PTPN4: variants seen among roughly 807,000 people sequenced by gnomAD.
The protein encoded by PTPN4 is protein tyrosine phosphatase non-receptor type 4, also known as tyrosine-protein phosphatase non-receptor type 4.
PTPN4 carries 49 observed loss-of-function variants against 135.5 expected under a neutral mutation model. The observed-to-expected ratio is 0.36, with a 90% confidence interval of 0.29 to 0.46. PTPN4 has a LOEUF of 0.46. Ranked by LOEUF, PTPN4 falls within the 20% of genes least tolerant of loss-of-function variation. The probability of loss-of-function intolerance (pLI) is 1.00; values close to 1 mark genes in which losing one functional copy is unlikely to be tolerated. For synonymous variants in PTPN4, 333 were observed against 369.9 expected (o/e 0.90, Z 1.14); for missense variants, 860 against 1,101.0 (o/e 0.78, Z 3.10).
At chr2:119,808,970 T>C (rs1198503242) in intron 1 of PTPN4, among the ~76,000 whole-genome samples, 1 of 152,172 alleles carries the variant, frequency 6.6e-6, no homozygotes, top group African/African-American at 2.4e-5. Context: ...CATTCAAACA[T>C]CCCAAATACT....
At chr2:119,906,379 A>G (rs1302902683) in intron 10 of PTPN4, among the ~76,000 whole-genome samples, 1 of 152,178 alleles carries the variant, frequency 6.6e-6, no homozygotes, top group Non-Finnish European at 1.5e-5. Context: ...TTCCTAATGA[A>G]TATAGATGCA....
At chr2:119,760,610 G>A (rs910425417) in intron 1 of PTPN4, among the ~76,000 whole-genome samples, 1 of 152,116 alleles carries the variant, frequency 6.6e-6, no homozygotes, top group African/African-American at 2.4e-5. Flanking sequence ...GTTATAGTTG[G>A]AATCTCTGTT....
chr2:119,891,312 G>A (rs1678237022), intron 9 of PTPN4, among the ~76,000 whole-genome samples: 1 of 151,956 alleles, frequency 6.6e-6, no homozygotes, highest in South Asian at 2.1e-4. Flanking sequence ...TACAGTTTCA[G>A]TTTTTTGTTT....
rs573954416 is a variant in PTPN4 at position 119,920,127 on chromosome 2, A to G, written c.887A>G (p.Asn296Ser). ...ATGGTGAATTACAGAGCATGTAAAA[A>G]TTTGTGGAAAGCATGTGTAGAACAT... Reference protein sequence around the residue: ...FNMVNYRACKNLWKACVEHHT... With the variant: ...FNMVNYRACKSLWKACVEHHT... Residue 296 changes from asparagine to serine, a missense_variant, in exon 12 of 27, where the codon AAT (asparagine) becomes AGT (serine). By Grantham distance (46) the Asn-to-Ser change is conservative (BLOSUM62 1). Around this residue, in one of 2 missense-constraint regions of PTPN4, gnomAD observed 684 missense variants for 807.0 expected, o/e 0.85. Coordinates refer to ENST00000263708, the MANE Select transcript of PTPN4 (RefSeq NM_002830.4). 6 of 1,613,290 alleles carry G rather than the reference A, an allele frequency of 3.7e-6. No homozygotes were observed. In the South Asian group the frequency reaches 6.6e-5, roughly 18 times the overall value.
At chr2:119,838,264 C>CA (rs1389981208) in intron 2 of PTPN4, among the ~76,000 whole-genome samples, 2 of 151,824 alleles carry the variant, frequency 1.3e-5, no homozygotes, top group African/African-American at 4.8e-5. Context: ...GCAGGATGTA[C>CA]TCCTGCACAT....
At chr2:119,805,127 G>T (rs1230305285) in intron 1 of PTPN4, among the ~76,000 whole-genome samples, 1 of 151,978 alleles carries the variant, frequency 6.6e-6, no homozygotes, top group East Asian at 1.9e-4. Context: ...ACTTTTTGAT[G>T]GGGTTGTTTG....
chr2:119,871,491 C>G (rs1273039370), intron 3 of PTPN4, among the ~76,000 whole-genome samples: 1 of 152,004 alleles, frequency 6.6e-6, no homozygotes, highest in East Asian at 1.9e-4. Context: ...CACTTGCGCT[C>G]AGGAGTTCTG....
intron 2 of PTPN4, among the ~76,000 whole-genome samples, chr2:119,835,815 A>G (rs146912190): frequency 1.3e-5 from 2 of 152,048 alleles, no homozygotes; most frequent in African/African-American, 4.8e-5. Flanking sequence ...CACACCTGTA[A>G]TCCCAGCACT....
intron 1 of PTPN4, among the ~76,000 whole-genome samples, chr2:119,784,870 G>A (rs1691019363): frequency 2.0e-5 from 3 of 151,934 alleles, no homozygotes; most frequent in African/African-American, 7.3e-5. Flanking sequence ...GGAGTGTCTG[G>A]CATTAAAAGC....
chr2:119,792,330 A>T (rs1257964766), intron 1 of PTPN4, among the ~76,000 whole-genome samples: 2 of 152,164 alleles, frequency 1.3e-5, no homozygotes, highest in African/African-American at 4.8e-5. Flanking sequence ...ATTTCCTGGT[A>T]CCTACAATAG....
At chr2:119,833,317 T>C (rs1047903100) in intron 2 of PTPN4, among the ~76,000 whole-genome samples, 15 of 152,152 alleles carry the variant, frequency 9.9e-5, no homozygotes, top group African/African-American at 3.6e-4. Flanking sequence ...AAATAACATT[T>C]GTGTAGGTCA....
Position 119,946,337 on chromosome 2 carries a change from TA to T in PTPN4, c.1516-2del. 1 of 1,581,308 alleles carries T rather than the reference TA, an allele frequency of 6.3e-7. No homozygotes were observed. Among genetic ancestry groups the T allele is most frequent in the East Asian group, 2.3e-5 (1 of 44,272 alleles). ...TACAAGTTATTTAATTTTGTCTTTT[TA>T]AGCCTAATGGTGGTATTCCACATGA... On this transcript the variant is annotated splice_region_variant and splice_polypyrimidine_tract_variant and intron_variant, in intron 16 of 26. Transcript: ENST00000263708.
intron 2 of PTPN4, among the ~76,000 whole-genome samples, chr2:119,819,046 C>T (rs1350633250): frequency 2.0e-5 from 3 of 152,102 alleles, no homozygotes; most frequent in Non-Finnish European, 4.4e-5. Context: ...TAGCTTTTTT[C>T]CTTTCACTTT....
Position 119,917,666 on chromosome 2 carries a change from T to C in PTPN4, c.829-2403T>C, listed in dbSNP as rs571089736. On this transcript the variant is annotated intron_variant, in intron 11 of 26. Coordinates refer to ENST00000263708, the MANE Select transcript of PTPN4 (RefSeq NM_002830.4). ...AATCTCTTGAACCAGGAGGTGGAGGTTGCAGTGAGCCAATATCGCACCACT... is the reference window on the plus strand; with the variant it reads ...AATCTCTTGAACCAGGAGGTGGAGGCTGCAGTGAGCCAATATCGCACCACT... Among the ~76,000 whole-genome samples, 5 of 151,948 alleles carry C rather than the reference T, an allele frequency of 3.3e-5. No homozygotes were observed. In the South Asian group the frequency reaches 1.0e-3, roughly 32 times the overall value.
At chr2:119,900,637 A>G in intron 9 of PTPN4, 81 bp from the exon 10 acceptor site, 1 of 863,598 alleles carries the variant, frequency 1.2e-6, no homozygotes, top group Non-Finnish European at 1.7e-6. Flanking sequence ...AGTTTTAAAA[A>G]TAGAATCCTA....
intron 2 of PTPN4, among the ~76,000 whole-genome samples, chr2:119,852,374 C>G (rs1455729004): frequency 6.6e-6 from 1 of 152,210 alleles, no homozygotes. Context: ...TTCCTTTGTT[C>G]AGTGTGCTCT....
At chr2:119,908,612 T>A (rs1383732620) in intron 10 of PTPN4, among the ~76,000 whole-genome samples, 1 of 152,110 alleles carries the variant, frequency 6.6e-6, no homozygotes, top group Non-Finnish European at 1.5e-5. Context: ...CCCTGTTCAC[T>A]GAGACACAAC....
At chr2:119,889,287 G>A (rs1678205940) in intron 9 of PTPN4, among the ~76,000 whole-genome samples, 1 of 152,142 alleles carries the variant, frequency 6.6e-6, no homozygotes, top group East Asian at 1.9e-4. Flanking sequence ...GGTCGTGGTG[G>A]TGGGCACCTG....
At chr2:119,913,636 T>C (rs1279873553) in intron 10 of PTPN4, among the ~76,000 whole-genome samples, 1 of 152,126 alleles carries the variant, frequency 6.6e-6, no homozygotes, top group African/African-American at 2.4e-5. Flanking sequence ...ATAGGATACA[T>C]TTTAAGATGG....
Sources: gnomAD v4.1 joint callset for allele counts (sites outside exome capture counted in the v4.1 genomes callset) on GRCh38, gnomAD v4.1.1 for gene constraint, gnomAD v4.1.1 regional missense constraint, MANE v1.5 for transcripts, NCBI Gene and HGNC (gene_info 2026-07-23, HGNC 2026-07-21) for gene names.